Variants in ITGAD observed in about 807,000 individuals in gnomAD.
ITGAD encodes integrin alpha-D.
In ITGAD, 105 loss-of-function variants were observed where a neutral mutation model predicts 139.0. The ratio of observed to expected loss-of-function variants is 0.76; its 90% CI spans 0.65 to 0.89. ITGAD has a LOEUF of 0.89. Ranked by LOEUF, ITGAD falls within the 40% of genes least tolerant of loss-of-function variation. The pLI, the probability that ITGAD is intolerant of heterozygous loss-of-function variation, is 0.00. For missense variants in ITGAD, 1,384 were observed against 1,487.3 expected, an observed-to-expected ratio of 0.93 and a Z score of 1.14; for synonymous variants, 569 against 598.3, an observed-to-expected ratio of 0.95 and a Z score of 0.71.
At chr16:31,423,308 A>G in intron 24 of ITGAD, 44 bp from the exon 25 acceptor site, 1 of 1,596,054 alleles carries the variant, frequency 6.3e-7, no homozygotes, top group Non-Finnish European at 8.6e-7. Context: ...AGGATTTGGA[A>G]GGCTCCAGAG....
intron 1 of ITGAD, 23 bp downstream of exon 1, chr16:31,393,414 G>T: frequency 6.2e-7 from 1 of 1,613,784 alleles, no homozygotes. Context: ...AGGGTGCTGG[G>T]GAGAAGCTTG....
chr16:31,403,793 C>G lies in ITGAD; in HGVS notation c.704+148C>G. 1 of 958,472 alleles carries G rather than the reference C, an allele frequency of 1.0e-6. No homozygotes were observed. The highest frequency in any genetic ancestry group is 1.6e-5 in the South Asian group (1 of 60,664). The allele number at this position is 958,472 out of a possible 1,614,324, so 59.4% of individuals were successfully genotyped here. A position where few individuals can be genotyped will look rare whatever the true frequency, so the allele number is the denominator to read the frequency against. On this transcript the variant is annotated intron_variant, in intron 7 of 29. Transcript: ENST00000389202. This position sits in a 1 kb window ranked among gnomAD's most constrained non-coding sequence, Gnocchi z 4.4. ...TCGGGGCTGCAGGGAGAACCTCCCC[C>G]CGGGGTGCTCCTGGTTGCCTCGCTG... is the stretch of plus-strand genomic sequence containing the variant.
chr16:31,395,354 G>A (rs1055025203), intron 2 of ITGAD, among the ~76,000 whole-genome samples: 1 of 152,018 alleles, frequency 6.6e-6, no homozygotes, highest in African/African-American at 2.4e-5. Flanking sequence ...AGATGCACTG[G>A]GGGTTTGGAG....
Position 31,413,097 on chromosome 16 carries a change from C to T in ITGAD, c.1847C>T (p.Pro616Leu), listed in dbSNP as rs770304500. Reference sequence around the variant, plus strand: ...ACTACTCTGCCCCTCAGGAGTCTGCCGGTGCTGAAAGTGGGGGTGGCCATG... The same window carrying T: ...ACTACTCTGCCCCTCAGGAGTCTGCTGGTGCTGAAAGTGGGGGTGGCCATG... The part of the protein sequence containing the change: ...RGQVLLLRSL[P>L]VLKVGVAMRF... The change falls in exon 16 of 30, where the codon CCG (proline) becomes CTG (leucine). Residue 616 changes from proline to leucine, a missense_variant. Transcript: ENST00000389202. The T allele has an allele frequency of 1.1e-5, 17 of 1,613,986 alleles. No individual in the cohort carries two copies. The highest frequency in any genetic ancestry group is 5.5e-5 in the South Asian group (5 of 91,084).
At chr16:31,411,260 G>A in intron 13 of ITGAD, 44 bp downstream of exon 13, 1 of 1,608,770 alleles carries the variant, frequency 6.2e-7, no homozygotes, top group Non-Finnish European at 8.5e-7. Context: ...TCCGGTGTGA[G>A]TGGAGGCGTC....
intron 19 of ITGAD, 35 bp downstream of exon 19, chr16:31,416,321 G>C: frequency 1.3e-6 from 2 of 1,563,684 alleles, no homozygotes; most frequent in African/African-American, 1.4e-5. Flanking sequence ...CAGACACTCA[G>C]GCTTCTGAGT....
chr16:31,423,474 C>T lies in ITGAD; in HGVS notation c.2967+15C>T. 6.2e-7 allele frequency: 1 copy of T among 1,610,388 alleles called. No homozygotes were observed. The highest frequency in any genetic ancestry group is 8.5e-7 in the Non-Finnish European group (1 of 1,176,562). On this transcript the variant is annotated intron_variant, in intron 25 of 29. Transcript: ENST00000389202. ...CCCCATCTCAGGTACCCGCCTATCT[C>T]TCCTCTTTCTTCAGACTGACATCCC...
At chr16:31,414,375 G>A in intron 16 of ITGAD, 76 bp from the exon 17 acceptor site, 1 of 1,508,302 alleles carries the variant, frequency 6.6e-7, no homozygotes, top group South Asian at 1.2e-5. Context: ...AACATGTATT[G>A]CATGAACAAA....
chr16:31,406,170 G>T lies in ITGAD; in HGVS notation c.705-1345G>T, dbSNP rs545584961. Among the ~76,000 whole-genome samples the T allele has an allele frequency of 9.7e-4, 148 of 152,090 alleles. 2 individuals are homozygous for T. The highest frequency in any genetic ancestry group is 2.8e-4 in the Non-Finnish European group (19 of 67,980). On this transcript the variant is annotated intron_variant, in intron 7 of 29. Coordinates refer to ENST00000389202, the MANE Select transcript of ITGAD (RefSeq NM_005353.3). ...GCTCACTGCAACCTCCATCTCCCAGGTTCAAACAATTCTCCTGCCTCAGCC... is the reference window on the plus strand; with the variant it reads ...GCTCACTGCAACCTCCATCTCCCAGTTTCAAACAATTCTCCTGCCTCAGCC...
chr16:31,424,507 T>A lies in ITGAD; in HGVS notation c.3302T>A (p.Ile1101Asn). ...GAAGAAGACGAGGTCTACAATGCCA[T>A]TCCCATCATCATGGGCAGCTCTGTG... ...VLEEDEVYNA[I>N]PIIMGSSVGA... is the part of the protein sequence containing the mutation. The change falls in exon 29 of 30, where the codon ATT becomes AAT. Residue 1101 changes from isoleucine to asparagine, a missense_variant. Ile to Asn is a moderately radical substitution (Grantham distance 149). Coordinates refer to ENST00000389202, the MANE Select transcript of ITGAD (RefSeq NM_005353.3). The A allele has an allele frequency of 6.2e-7, 1 of 1,614,044 alleles. No homozygotes were observed. The highest frequency in any genetic ancestry group is 1.7e-4 in the Middle Eastern group (1 of 6,058).
At position 31,418,513 on chromosome 16, in the gene ITGAD, C is replaced by A; in HGVS notation, c.2729C>A (p.Thr910Asn). Residue 910 changes from threonine (T) to asparagine (N), a missense_variant, in exon 23 of 30, where the codon ACC (threonine) becomes AAC (asparagine). Transcript: ENST00000389202. ...AATAAGGCTTCAAGCAGCAAGGCCACCTTCCAGCTGGAGCTCCCGGTGAAG... is the reference window on the plus strand; with the variant it reads ...AATAAGGCTTCAAGCAGCAAGGCCAACTTCCAGCTGGAGCTCCCGGTGAAG... ...ENNKASSSKA[T>N]FQLELPVKYA... is the part of the protein sequence containing the mutation. 1 of 1,614,142 alleles carries A rather than the reference C, an allele frequency of 6.2e-7. No individual in the cohort carries two copies. The highest frequency in any genetic ancestry group is 8.5e-7 in the Non-Finnish European group (1 of 1,180,014).
chr16:31,395,088 G>A (rs1297029819), intron 2 of ITGAD, among the ~76,000 whole-genome samples: 10 of 152,224 alleles, frequency 6.6e-5, no homozygotes, highest in East Asian at 1.9e-4. Context: ...AGGCTGAGGC[G>A]GGCAGATCAT....
chr16:31,398,578 C>T (rs1272431371), intron 5 of ITGAD, among the ~76,000 whole-genome samples: 1 of 152,118 alleles, frequency 6.6e-6, no homozygotes, highest in Non-Finnish European at 1.5e-5. Flanking sequence ...AACTCCTGGG[C>T]TCAAGTGATC....
chr16:31,426,124 C>T lies in ITGAD; in HGVS notation c.3482C>T (p.Ser1161Phe). The change falls in exon 30 of 30, where the codon TCC becomes TTC. Residue 1161 changes from serine (S) to phenylalanine (F), a missense_variant. Coordinates refer to ENST00000389202, the MANE Select transcript of ITGAD (RefSeq NM_005353.3). ...TGTGTGGCCCCAAATGTGCCTTTGT[C>T]CTAATAATCCACTTTCCTGTTTATC... ...FSCVAPNVPL[S>F] 6.3e-7 allele frequency: 1 copy of T among 1,596,816 alleles called. No homozygotes were observed. Among genetic ancestry groups the T allele is most frequent in the Non-Finnish European group, 8.6e-7 (1 of 1,164,636 alleles).
chr16:31,412,990 G>T, intron 15 of ITGAD, 22 bp downstream of exon 15: 4 of 1,598,682 alleles, frequency 2.5e-6, no homozygotes, highest in Non-Finnish European at 3.4e-6. Flanking sequence ...CCAACATCCT[G>T]CCCTCCCGCG....
intron 2 of ITGAD, among the ~76,000 whole-genome samples, chr16:31,395,725 C>G (rs1463118343): frequency 6.6e-6 from 1 of 152,090 alleles, no homozygotes; most frequent in Non-Finnish European, 1.5e-5. Context: ...CACAATGTGA[C>G]ACAGGTGTCA....
intron 2 of ITGAD, 24 bp downstream of exon 2, chr16:31,394,365 C>T: frequency 6.4e-7 from 1 of 1,558,722 alleles, no homozygotes; most frequent in Non-Finnish European, 8.8e-7. Flanking sequence ...ACCCTCCTTC[C>T]CCAACCTCCA....
chr16:31,420,536 A>G (rs2081988208), intron 23 of ITGAD, among the ~76,000 whole-genome samples: 2 of 150,374 alleles, frequency 1.3e-5, no homozygotes, highest in African/African-American at 4.9e-5. Flanking sequence ...TAGTTGGATT[A>G]CAGGCATGCA....
intron 8 of ITGAD, 22 bp downstream of exon 8, chr16:31,407,690 G>T: frequency 6.2e-7 from 1 of 1,613,742 alleles, no homozygotes; most frequent in Non-Finnish European, 8.5e-7. Flanking sequence ...CTTCACCCCT[G>T]CCCCAGGCTC....
Sources: gnomAD v4.1 joint callset for allele counts (sites outside exome capture counted in the v4.1 genomes callset) on GRCh38, gnomAD v4.1.1 for gene constraint, Gnocchi (gnomAD v3.1) non-coding constraint, MANE v1.5 for transcripts, NCBI Gene and HGNC (gene_info 2026-07-23, HGNC 2026-07-21) for gene names.